SPAG17: variants seen among roughly 807,000 people sequenced by gnomAD.
The protein encoded by SPAG17 is sperm associated antigen 17, also known as sperm-associated antigen 17.
SPAG17 carries 169 observed loss-of-function variants against 273.6 expected under a neutral mutation model. The ratio of observed to expected loss-of-function variants is 0.62; its 90% CI spans 0.55 to 0.70. The LOEUF (loss-of-function observed/expected upper bound fraction) is 0.70. SPAG17 is among the 30% of genes least tolerant of loss of function. The pLI, the probability that SPAG17 is intolerant of heterozygous loss-of-function variation, is 0.00. For synonymous variants in SPAG17, 825 were observed against 873.2 expected (o/e 0.94, Z 0.97); for missense variants, 2,557 against 2,627.8 (o/e 0.97, Z 0.59).
chr1:118,116,467 G>C (rs1445115036), intron 3 of SPAG17, among the ~76,000 whole-genome samples: 1 of 152,120 alleles, frequency 6.6e-6, no homozygotes, highest in Non-Finnish European at 1.5e-5. Flanking sequence ...GGGCGCATAT[G>C]GTGTCAATTT....
chr1:118,136,230 T>G (rs1355423908), intron 3 of SPAG17, among the ~76,000 whole-genome samples: 2 of 152,148 alleles, frequency 1.3e-5, no homozygotes, highest in East Asian at 3.8e-4. Context: ...CCAGAAAATA[T>G]TGATTCAAAA....
rs911980038 is a variant in SPAG17 at position 117,997,579 on chromosome 1, A to G, written c.4777-836T>C. 4.0e-5 allele frequency among the ~76,000 whole-genome samples: 6 copies of G among 151,632 alleles called. No individual in the cohort carries two copies. The South Asian group carries it at 6.2e-4, about 16-fold the overall frequency. On this transcript the variant is annotated intron_variant, in intron 32 of 48. Coordinates refer to ENST00000336338, the MANE Select transcript of SPAG17 (RefSeq NM_206996.4). ...TTGAATGAGAAGTAAAAAAAAAAAA[A>G]AAAAGAAAAGAAAAAAGATAAATGC...
chr1:117,965,044 G>C (rs1374114069), intron 47 of SPAG17: 1 of 152,056 alleles, frequency 6.6e-6, no homozygotes, highest in Non-Finnish European at 1.5e-5. Context: ...CCTATATTCT[G>C]TTGCATCCTT....
intron 1 of SPAG17, among the ~76,000 whole-genome samples, chr1:118,159,084 T>C (rs1369023143): frequency 6.6e-6 from 1 of 152,244 alleles, no homozygotes; most frequent in Non-Finnish European, 1.5e-5. Flanking sequence ...TGACTGAGTA[T>C]GTGGCATTTT....
intron 20 of SPAG17, among the ~76,000 whole-genome samples, chr1:118,053,052 C>T (rs889296309): frequency 6.6e-6 from 1 of 151,952 alleles, no homozygotes; most frequent in South Asian, 2.1e-4. Flanking sequence ...AGGATGAGAA[C>T]TGAACTTAAG....
At chr1:118,147,932 C>G (rs1191393308) in intron 3 of SPAG17, among the ~76,000 whole-genome samples, 2 of 152,110 alleles carry the variant, frequency 1.3e-5, no homozygotes. Context: ...AACCAGAAAG[C>G]CTAATTGATT....
Position 118,091,648 on chromosome 1 carries a change from T to C in SPAG17, c.1317A>G (p.Glu439=), listed in dbSNP as rs753392925. ...YNYLLNPIRE[E]FISVPLILHC... ...GCAGTATCAGGGGCACAGAAATGAA[T>C]TCCTCTCGAATTGGATTCAGCAAAT... Residue 439 remains glutamate (E), a synonymous_variant, in exon 10 of 49, where the codon GAA becomes GAG. Transcript: ENST00000336338. The C allele has an allele frequency of 6.2e-7, 1 of 1,612,626 alleles. No homozygotes were observed. Among genetic ancestry groups the C allele is most frequent in the Admixed American group, 1.7e-5 (1 of 59,910 alleles).
intron 22 of SPAG17, among the ~76,000 whole-genome samples, chr1:118,039,864 G>T (rs1233802645): frequency 6.6e-6 from 1 of 152,032 alleles, no homozygotes; most frequent in Non-Finnish European, 1.5e-5. Flanking sequence ...GAATGCCTAA[G>T]GAAATAAAGT....
At position 118,086,946 on chromosome 1, in the gene SPAG17, G is replaced by A. The variant is rs747399176; in HGVS notation, c.1422C>T (p.Asp474=). 83 of 1,605,452 alleles carry A rather than the reference G, an allele frequency of 5.2e-5. No homozygotes were observed. The highest frequency in any genetic ancestry group is 6.7e-5 in the African/African-American group (5 of 74,198). The part of the protein sequence containing the change: ...PSLREPSPRA[D]GLDHRIAAHI... Reference sequence around the variant, plus strand: ...GAGCTGCGATTCTGTGGTCTAGCCCGTCTGCTCTGGGGGATGGCTCCCGCA... The same window carrying A: ...GAGCTGCGATTCTGTGGTCTAGCCCATCTGCTCTGGGGGATGGCTCCCGCA... Residue 474 remains aspartate (D), a synonymous_variant, in exon 11 of 49, where the codon GAC becomes GAT. Coordinates refer to ENST00000336338, the MANE Select transcript of SPAG17 (RefSeq NM_206996.4).
intron 29 of SPAG17, among the ~76,000 whole-genome samples, chr1:118,014,496 G>A (rs929500656): frequency 6.6e-6 from 1 of 152,018 alleles, no homozygotes. Flanking sequence ...AAAAAACCTC[G>A]GGAAACAAAT....
rs764702610 is a variant in SPAG17 at position 118,101,787 on chromosome 1, G to A, written c.587C>T (p.Thr196Ile). The change falls in exon 5 of 49, where the codon ACC becomes ATC. Residue 196 changes from threonine (T) to isoleucine (I), a missense_variant. Physicochemically the swap from Thr to Ile is moderately conservative, Grantham distance 89. Transcript: ENST00000336338. ...PEANAPVKKT[T>I]QLKRRGEDDH... is the part of the protein sequence containing the mutation. The stretch of plus-strand genomic sequence containing the variant: ...GTCTTCTCCTCTCCGCTTTAACTGG[G>A]TGGTCTTTTTCACTGGTGCATTTGC... 6.2e-6 allele frequency: 10 copies of A among 1,613,992 alleles called. No homozygotes were observed. Among genetic ancestry groups the A allele is most frequent in the South Asian group, 2.2e-5 (2 of 91,072 alleles).
chr1:118,086,673 G>A lies in SPAG17; in HGVS notation c.1609C>T (p.Gln537Ter). 6.2e-7 allele frequency: 1 copy of A among 1,613,580 alleles called. No homozygotes were observed. Among genetic ancestry groups the A allele is most frequent in the Non-Finnish European group, 8.5e-7 (1 of 1,179,496 alleles). ...DAHAHKKYAL[Q>*]DQKNFDPVQI... ...TGGGCTAACCTGATTATTATTACCT[G>A]TAGTGCGTACTTCTTGTGGGCGTGT... The change falls in exon 12 of 49, where the codon CAG becomes TAG. Residue 537 changes from glutamine to a stop codon, truncating the protein, a stop_gained and splice_region_variant. Coordinates refer to ENST00000336338, the MANE Select transcript of SPAG17 (RefSeq NM_206996.4). LOFTEE classifies it high-confidence loss of function.
At chr1:118,051,453 C>T (rs903337386) in intron 20 of SPAG17, among the ~76,000 whole-genome samples, 3 of 151,726 alleles carry the variant, frequency 2.0e-5, no homozygotes, top group Non-Finnish European at 4.4e-5. Flanking sequence ...ATGTTTATTG[C>T]AGCATTATTT....
rs548988281 is a variant in SPAG17 at position 117,983,834 on chromosome 1, T to C, written c.5849A>G (p.Gln1950Arg). The change falls in exon 42 of 49, where the codon CAA (glutamine) becomes CGA (arginine). Residue 1950 changes from glutamine to arginine, a missense_variant. Gln to Arg is a conservative substitution (Grantham distance 43). Transcript: ENST00000336338. Reference sequence around the variant, plus strand: ...ACCTAGATTAAGATCAGATGTATCTTGAACAGCTGTTTCGTTTGCATCTTC... The same window carrying C: ...ACCTAGATTAAGATCAGATGTATCTCGAACAGCTGTTTCGTTTGCATCTTC... ...KNEDANETAV[Q>R]DTSDLNLDFK... 4.3e-6 allele frequency: 7 copies of C among 1,612,152 alleles called. No homozygotes were observed. The highest frequency in any genetic ancestry group is 5.9e-6 in the Non-Finnish European group (7 of 1,178,806).
intron 10 of SPAG17, 29 bp downstream of exon 10, chr1:118,091,577 G>T (rs1392901607): frequency 7.9e-7 from 1 of 1,272,406 alleles, no homozygotes; most frequent in African/African-American, 1.5e-5. Context: ...ACTTACTCAA[G>T]TATACAACCT....
chr1:117,992,799 G>A, intron 35 of SPAG17, 151 bp from the exon 36 acceptor site: 1 of 645,932 alleles, frequency 1.5e-6, no homozygotes, highest in Non-Finnish European at 2.5e-6. Context: ...AAAAAGTTCT[G>A]CAAATATAAG....
At chr1:118,049,504 A>G (rs2101969892) in intron 20 of SPAG17, among the ~76,000 whole-genome samples, 1 of 152,338 alleles carries the variant, frequency 6.6e-6, no homozygotes, top group Middle Eastern at 3.4e-3. Context: ...TGGAAAAAAC[A>G]TACGACAAAC....
chr1:118,043,242 T>C (rs1289658050), intron 20 of SPAG17, among the ~76,000 whole-genome samples: 1 of 152,206 alleles, frequency 6.6e-6, no homozygotes, highest in African/African-American at 2.4e-5. Context: ...GAACAGATAA[T>C]GCCTGAGACA....
intron 45 of SPAG17, among the ~76,000 whole-genome samples, chr1:117,971,179 C>T (rs1013443175): frequency 2.0e-5 from 3 of 152,126 alleles, no homozygotes; most frequent in African/African-American, 7.2e-5. Context: ...GAAGTAATAC[C>T]CATGCTTATG....
Sources: gnomAD v4.1 joint callset for allele counts (sites outside exome capture counted in the v4.1 genomes callset) on GRCh38, gnomAD v4.1.1 for gene constraint, MANE v1.5 for transcripts, NCBI Gene and HGNC (gene_info 2026-07-23, HGNC 2026-07-21) for gene names.